Variants in SCUBE3 observed in about 807,000 individuals in gnomAD.
SCUBE3 encodes signal peptide, CUB and EGF-like domain-containing protein 3.
In SCUBE3, 33 loss-of-function variants were observed where a neutral mutation model predicts 116.8. The observed-to-expected ratio is 0.28, with a 90% CI of 0.21 to 0.38. SCUBE3 has a LOEUF of 0.38. Ranked by LOEUF, SCUBE3 falls within the 10% of genes least tolerant of loss-of-function variation. SCUBE3 has a pLI of 1.00. For synonymous variants in SCUBE3, 418 were observed against 496.9 expected (o/e 0.84, Z 2.11); for missense variants, 1,007 against 1,324.8 (o/e 0.76, Z 3.72).
chr6:35,241,684 A>G lies in SCUBE3; in HGVS notation c.1312+25A>G. Reference sequence around the variant, plus strand: ...GGTACATGGGAGGAGGGTGCTGGAGAGCTTTGGAGGAGAAAAGAGGAAGGA... The same window carrying G: ...GGTACATGGGAGGAGGGTGCTGGAGGGCTTTGGAGGAGAAAAGAGGAAGGA... On this transcript the variant is annotated intron_variant, in intron 11 of 21. Transcript: ENST00000274938. This position sits in a 1 kb window ranked among gnomAD's most constrained non-coding sequence, Gnocchi z 4.1. The G allele has an allele frequency of 6.4e-7, 1 of 1,560,382 alleles. No individual in the cohort carries two copies.
At position 35,244,874 on chromosome 6, in the gene SCUBE3, A is replaced by T; in HGVS notation, c.2401+63A>T. 4 of 1,542,534 alleles carry T rather than the reference A, an allele frequency of 2.6e-6. No individual in the cohort carries two copies. In the South Asian group the frequency reaches 4.6e-5, roughly 18 times the overall value. On this transcript the variant is annotated intron_variant, in intron 18 of 21. Transcript: ENST00000274938. The surrounding 1 kb of genome is among the most constrained non-coding windows in gnomAD (Gnocchi z 4.3). The stretch of plus-strand genomic sequence containing the variant: ...AGGCCTGGGAGCAGTGGACATCTAA[A>T]GGAGGGGTGTGAAACCAACAGGGAG...
At position 35,243,907 on chromosome 6, in the gene SCUBE3, C is replaced by T. The variant is rs1228253448; in HGVS notation, c.2072-56C>T. ...CTTTGTCCCCTGAGATCGGGTGACC[C>T]CATGGGGATGACTCAGGACCATCCC... On this transcript the variant is annotated intron_variant, in intron 16 of 21. Coordinates refer to ENST00000274938, the MANE Select transcript of SCUBE3 (RefSeq NM_152753.4). This position sits in a 1 kb window ranked among gnomAD's most constrained non-coding sequence, Gnocchi z 6.6. 1.7e-5 allele frequency: 27 copies of T among 1,570,374 alleles called. No individual in the cohort carries two copies. The highest frequency in any genetic ancestry group is 1.3e-5 in the Non-Finnish European group (15 of 1,146,988).
intron 1 of SCUBE3, among the ~76,000 whole-genome samples, chr6:35,226,151 T>C (rs1452285627): frequency 6.6e-6 from 1 of 152,210 alleles, no homozygotes; most frequent in African/African-American, 2.4e-5. Context: ...AAAATACTGA[T>C]GGCCCGGCAC....
chr6:35,249,786 C>A lies in SCUBE3; in HGVS notation c.*1081C>A, dbSNP rs956553640. 6.5e-6 allele frequency: 1 copy of A among 152,702 alleles called. No homozygotes were observed. The highest frequency in any genetic ancestry group is 2.4e-5 in the African/African-American group (1 of 41,462). 9.5% of individuals were successfully genotyped at this position (152,702 alleles called of 1,614,324 possible). A position where few individuals can be genotyped will look rare whatever the true frequency, so the allele number is the denominator to read the frequency against. The stretch of plus-strand genomic sequence containing the variant: ...ACCCCACTCTGAAGCCAGCCTGGAG[C>A]CACCTACCTCTGGCCTCAGGCTGTG... On this transcript the variant is annotated 3_prime_UTR_variant, in exon 22 of 22. Transcript: ENST00000274938.
In SCUBE3 at chr6:35,241,768, G is replaced by A. The variant is rs374795413; in HGVS notation, c.1313-38G>A. On this transcript the variant is annotated intron_variant, in intron 11 of 21. Coordinates refer to ENST00000274938, the MANE Select transcript of SCUBE3 (RefSeq NM_152753.4). The surrounding 1 kb of genome is among the most constrained non-coding windows in gnomAD (Gnocchi z 4.1). ...GATTCCTCCAGCCAGCGGGGGTTGG[G>A]AAGGCAGGTCAGAACTGTGACAGGC... The A allele has an allele frequency of 1.9e-6, 3 of 1,565,994 alleles. No individual in the cohort carries two copies. Among genetic ancestry groups the A allele is most frequent in the Non-Finnish European group, 2.6e-6 (3 of 1,136,316 alleles).
rs1784331507 is a variant in SCUBE3, at chr6:35,246,216, G to A, written c.2763G>A (p.Glu921=). 2 of 1,614,026 alleles carry A rather than the reference G, an allele frequency of 1.2e-6. No homozygotes were observed. The highest frequency in any genetic ancestry group is 1.1e-5 in the South Asian group (1 of 91,082). Residue 921 remains glutamate, a synonymous_variant, in exon 21 of 22, where the codon GAG becomes GAA. Coordinates refer to ENST00000274938, the MANE Select transcript of SCUBE3 (RefSeq NM_152753.4). ...IPYVTYDEDY[E]QLVEDIVRDG... ...TGGTTGACTTTGCAGAGGACTATGA[G>A]CAGCTGGTAGAAGACATTGTGCGAG...
rs1449774692 is a variant in SCUBE3, at chr6:35,228,083, C to T, written c.208+381C>T. On this transcript the variant is annotated intron_variant, in intron 2 of 21. Transcript: ENST00000274938. The surrounding 1 kb of genome is among the most constrained non-coding windows in gnomAD (Gnocchi z 4.9). ...TCAGAGGAAGTTCATAATGTAAACA[C>T]ATCTTCCCCTCATAATTAAATCAAT... Among the ~76,000 whole-genome samples, 1 of 152,250 alleles carries T rather than the reference C, an allele frequency of 6.6e-6. No homozygotes were observed. The highest frequency in any genetic ancestry group is 1.5e-5 in the Non-Finnish European group (1 of 68,050).
Position 35,232,698 on chromosome 6 carries a change from G to T in SCUBE3, c.470-152G>T. On this transcript the variant is annotated intron_variant, in intron 4 of 21. Coordinates refer to ENST00000274938, the MANE Select transcript of SCUBE3 (RefSeq NM_152753.4). This position sits in a 1 kb window ranked among gnomAD's most constrained non-coding sequence, Gnocchi z 4.2. ...GCACCCAGGTCTGTGGGGAAGACAG[G>T]AGGCCTGGGACAAGGAGAGTCAGTC... 1 of 704,606 alleles carries T rather than the reference G, an allele frequency of 1.4e-6. No individual in the cohort carries two copies. 43.6% of individuals were successfully genotyped at this position (704,606 alleles called of 1,614,324 possible).
rs764779695 is a variant in SCUBE3 at position 35,226,480 on chromosome 6, C to CTTTTTTTTTTTTT, written c.86-1090_86-1078dup. On this transcript the variant is annotated intron_variant, in intron 1 of 21. Transcript: ENST00000274938. ...CAGAAGTTGGACTCTTTTCTATGTC[C>CTTTTTTTTTTTTT]TTTTTTTTTTTTTTTTTTTTTTGAG... is the stretch of plus-strand genomic sequence containing the variant. 1.8e-4 allele frequency among the ~76,000 whole-genome samples: 15 copies of CTTTTTTTTTTTTT among 85,222 alleles called. 1 individual carries two copies. Among genetic ancestry groups the CTTTTTTTTTTTTT allele is most frequent in the East Asian group, 9.9e-4 (2 of 2,016 alleles). The allele number at this position is 85,222 out of a possible 152,430, so 55.9% of individuals were successfully genotyped here.
rs1302208678 is a variant in SCUBE3, at chr6:35,219,527, G to A, written c.85+5024G>A. 6.6e-6 allele frequency among the ~76,000 whole-genome samples: 1 copy of A among 152,088 alleles called. No homozygotes were observed. Among genetic ancestry groups the A allele is most frequent in the African/African-American group, 2.4e-5 (1 of 41,390 alleles). On this transcript the variant is annotated intron_variant, in intron 1 of 21. Transcript: ENST00000274938. This position sits in a 1 kb window ranked among gnomAD's most constrained non-coding sequence, Gnocchi z 4.7. The stretch of plus-strand genomic sequence containing the variant: ...TATAACCATAGCCCTAGAGAGCTGT[G>A]GGGTTTGGATTTCTGAGCCTACACC...
Position 35,245,987 on chromosome 6 carries a change from C to G in SCUBE3, c.2643C>G (p.Tyr881Ter), listed in dbSNP as rs761290195. 3 of 1,614,044 alleles carry G rather than the reference C, an allele frequency of 1.9e-6. No individual in the cohort carries two copies. In the African/African-American group the frequency reaches 4.0e-5, roughly 22 times the overall value. Residue 881 changes from tyrosine to a stop codon, truncating the protein, a stop_gained, in exon 20 of 22, where the codon TAC (tyrosine) becomes TAG (stop). Transcript: ENST00000274938. LOFTEE classifies it high-confidence loss of function. The surrounding 1 kb of genome is among the most constrained non-coding windows in gnomAD (Gnocchi z 4.2). Reference sequence around the variant, plus strand: ...CCACTTATGAGACCTGCCAGACCTACGAGCGTCCCATTGCCTTCACTGCCC... The same window carrying G: ...CCACTTATGAGACCTGCCAGACCTAGGAGCGTCCCATTGCCTTCACTGCCC... Reference protein sequence around the residue: ...SITTYETCQTYERPIAFTARS... With the variant: ...SITTYETCQT
rs763882237 is a variant in SCUBE3, at chr6:35,243,206, C to A, written c.1879C>A (p.Pro627Thr). The A allele has an allele frequency of 6.2e-7, 1 of 1,614,138 alleles. No homozygotes were observed. Residue 627 changes from proline to threonine, a missense_variant, in exon 15 of 22, where the codon CCC (proline) becomes ACC (threonine). This residue lies in a region of SCUBE3 where 544 missense variants were observed against 638.9 expected (regional missense o/e 0.85). Transcript: ENST00000274938. This position sits in a 1 kb window ranked among gnomAD's most constrained non-coding sequence, Gnocchi z 6.6. ...AGCAGAGCCGATGGAGTCCTGTAGG[C>A]CCGGGCAGCACCGTGCTGGGACCAA... ...ERAEPMESCR[P>T]GQHRAGTKCV...
At chr6:35,222,348 A>C (rs1413931194) in intron 1 of SCUBE3, 1 of 152,214 alleles carries the variant, frequency 6.6e-6, no homozygotes, top group Non-Finnish European at 1.5e-5. Flanking sequence ...CTTGTTTTAT[A>C]ATAATCCACC....
chr6:35,235,422 CA>C lies in SCUBE3; in HGVS notation c.712+2122del. 8.0e-7 allele frequency: 1 copy of C among 1,256,140 alleles called. No individual in the cohort carries two copies. Among genetic ancestry groups the C allele is most frequent in the African/African-American group, 1.5e-5 (1 of 65,728 alleles). The allele number at this position is 1,256,140 out of a possible 1,614,324, so 77.8% of individuals were successfully genotyped here. A position where few individuals can be genotyped will look rare whatever the true frequency, so the allele number is the denominator to read the frequency against. Reference sequence around the variant, plus strand: ...CAGTGGCTTCTGCCCAGCACCTAAACAGCTTTTTTACAATGTCAAACAGGGG... The same window carrying C: ...CAGTGGCTTCTGCCCAGCACCTAAACGCTTTTTTACAATGTCAAACAGGGG... On this transcript the variant is annotated intron_variant, in intron 6 of 21. Coordinates refer to ENST00000274938, the MANE Select transcript of SCUBE3 (RefSeq NM_152753.4). This position sits in a 1 kb window ranked among gnomAD's most constrained non-coding sequence, Gnocchi z 4.5.
rs762242714 is a variant in SCUBE3 at position 35,233,017 on chromosome 6, G to A, written c.595+42G>A. On this transcript the variant is annotated intron_variant, in intron 5 of 21. Transcript: ENST00000274938. This position sits in a 1 kb window ranked among gnomAD's most constrained non-coding sequence, Gnocchi z 5.7. ...GGCAGGTGGGGCAGTGGGGTCGGGGGTGAAAACATAGAGGAAGGGTATAGG... is the reference window on the plus strand; with the variant it reads ...GGCAGGTGGGGCAGTGGGGTCGGGGATGAAAACATAGAGGAAGGGTATAGG... 2.5e-6 allele frequency: 4 copies of A among 1,609,896 alleles called. No individual in the cohort carries two copies. Among genetic ancestry groups the A allele is most frequent in the Admixed American group, 3.3e-5 (2 of 59,920 alleles).
Position 35,245,477 on chromosome 6 carries a change from G to A in SCUBE3, c.2599+52G>A. The A allele has an allele frequency of 6.8e-7, 1 of 1,469,200 alleles. No individual in the cohort carries two copies. Among genetic ancestry groups the A allele is most frequent in the South Asian group, 1.1e-5 (1 of 87,872 alleles). The allele number at this position is 1,469,200 out of a possible 1,614,324, so 91.0% of individuals were successfully genotyped here. ...GGAAGGGCAGTCCAAATCTGGTTAA[G>A]GCGGAGAACAAAGAGAGAGACTGAT... On this transcript the variant is annotated intron_variant, in intron 19 of 21. Transcript: ENST00000274938. The surrounding 1 kb of genome is among the most constrained non-coding windows in gnomAD (Gnocchi z 4.2).
At position 35,232,554 on chromosome 6, in the gene SCUBE3, G is replaced by A. The variant is rs1035713436; in HGVS notation, c.470-296G>A. On this transcript the variant is annotated intron_variant, in intron 4 of 21. Transcript: ENST00000274938. This position sits in a 1 kb window ranked among gnomAD's most constrained non-coding sequence, Gnocchi z 4.2. The stretch of plus-strand genomic sequence containing the variant: ...CCACCCCATCTCCAGCACAGTGCTG[G>A]ACACCTATTATACACAATGTTTTGG... Among the ~76,000 whole-genome samples, 1 of 152,120 alleles carries A rather than the reference G, an allele frequency of 6.6e-6. No homozygotes were observed. Among genetic ancestry groups the A allele is most frequent in the Non-Finnish European group, 1.5e-5 (1 of 68,004 alleles).
In SCUBE3 at chr6:35,214,205, T is replaced by C. The variant is rs1225896194; in HGVS notation, c.-214T>C. On this transcript the variant is annotated 5_prime_UTR_variant, in exon 1 of 22. Transcript: ENST00000274938. This position sits in a 1 kb window ranked among gnomAD's most constrained non-coding sequence, Gnocchi z 6.3. Reference sequence around the variant, plus strand: ...CCCTCGCCTCGTCGCACTCTCCGCCTCGCTCTCCCCGACGTCCGGCCAGGA... The same window carrying C: ...CCCTCGCCTCGTCGCACTCTCCGCCCCGCTCTCCCCGACGTCCGGCCAGGA... Among the ~76,000 whole-genome samples the C allele has an allele frequency of 6.6e-6, 1 of 152,038 alleles. No individual in the cohort carries two copies. The highest frequency in any genetic ancestry group is 1.9e-4 in the East Asian group (1 of 5,138).
At position 35,245,884 on chromosome 6, in the gene SCUBE3, T is replaced by C; in HGVS notation, c.2600-60T>C. The C allele has an allele frequency of 6.3e-7, 1 of 1,584,916 alleles. No individual in the cohort carries two copies. The highest frequency in any genetic ancestry group is 1.1e-5 in the South Asian group (1 of 88,318). On this transcript the variant is annotated intron_variant, in intron 19 of 21. Coordinates refer to ENST00000274938, the MANE Select transcript of SCUBE3 (RefSeq NM_152753.4). This position sits in a 1 kb window ranked among gnomAD's most constrained non-coding sequence, Gnocchi z 4.2. ...CCACCACCAGCTGTACAGCCCACGT[T>C]CTAGGAGGGCTTGGGTAGCCTGCCC...
Sources: allele counts gnomAD v4.1 joint callset (sites outside exome capture counted in the v4.1 genomes callset), GRCh38; gene constraint gnomAD v4.1.1; regional missense constraint gnomAD v4.1.1; non-coding constraint Gnocchi (gnomAD v3.1); transcripts MANE v1.5; gene names NCBI Gene and HGNC (gene_info 2026-07-23, HGNC 2026-07-21).